The following CUL3 variants were observed in gnomAD, a reference collection of about 807,000 sequenced individuals.
The protein encoded by CUL3 is cullin-3.
In CUL3, 19 loss-of-function variants were observed where a neutral mutation model predicts 89.1. The ratio of observed to expected loss-of-function variants is 0.21; its 90% confidence interval spans 0.15 to 0.31. The LOEUF (loss-of-function observed/expected upper bound fraction) is 0.31, where lower values mean the gene tolerates loss of function less well. Among genes scored for constraint, CUL3 ranks in the 10% least tolerant of loss-of-function variants. CUL3 has a pLI of 1.00. For missense variants in CUL3, 469 were observed against 942.3 expected, an observed-to-expected ratio of 0.50 and a Z score of 6.58; for synonymous variants, 351 against 308.4, an observed-to-expected ratio of 1.14 and a Z score of -1.45.
At chr2:224,526,158 C>G (rs139118065) in intron 3 of CUL3, among the ~76,000 whole-genome samples, 2 of 152,304 alleles carry the variant, frequency 1.3e-5, no homozygotes, top group Middle Eastern at 3.4e-3. Context: ...ATAACTTGAG[C>G]AAATTAATGA....
chr2:224,548,893 G>A (rs144194238), intron 2 of CUL3, among the ~76,000 whole-genome samples: 150 of 152,040 alleles, frequency 9.9e-4, no homozygotes, highest in African/African-American at 3.4e-3. Context: ...GCCCAGCTAT[G>A]TAGGAGGCTG....
At chr2:224,479,709 A>G (rs1401893399) in intron 14 of CUL3, 1 of 152,254 alleles carries the variant, frequency 6.6e-6, no homozygotes, top group African/African-American at 2.4e-5. Flanking sequence ...ACACACACAC[A>G]GAGGAAGGCA....
intron 3 of CUL3, among the ~76,000 whole-genome samples, chr2:224,520,595 T>C (rs763501617): frequency 3.3e-5 from 5 of 152,244 alleles, no homozygotes; most frequent in Middle Eastern, 6.8e-3. Flanking sequence ...AAACATCAAC[T>C]AGGACAGGCA....
intron 2 of CUL3, among the ~76,000 whole-genome samples, chr2:224,547,349 GATCT>G (rs1240159763): frequency 6.6e-6 from 1 of 151,992 alleles, no homozygotes; most frequent in Non-Finnish European, 1.5e-5. Flanking sequence ...CATCTATACT[GATCT>G]ATCTCACTAC....
chr2:224,519,350 A>G (rs188124805), intron 3 of CUL3, among the ~76,000 whole-genome samples: 2 of 152,322 alleles, frequency 1.3e-5, no homozygotes, highest in African/African-American at 2.4e-5. Context: ...GCAAAATCTG[A>G]AAACACTTAT....
chr2:224,569,039 C>G (rs540792063), intron 1 of CUL3, among the ~76,000 whole-genome samples: 69 of 152,254 alleles, frequency 4.5e-4, no homozygotes, highest in African/African-American at 1.5e-3. Context: ...AAACTTTAAG[C>G]TATACTTCAT....
intron 15 of CUL3, among the ~76,000 whole-genome samples, chr2:224,476,307 G>A (rs1691319083): frequency 6.6e-6 from 1 of 152,094 alleles, no homozygotes; most frequent in South Asian, 2.1e-4. Context: ...GTGAGCCACC[G>A]CGAGTCACAC....
At chr2:224,519,705 A>G (rs1693193661) in intron 3 of CUL3, among the ~76,000 whole-genome samples, 1 of 152,210 alleles carries the variant, frequency 6.6e-6, no homozygotes, top group Non-Finnish European at 1.5e-5. Context: ...TTAAGGGTAC[A>G]GATGCATAAC....
intron 1 of CUL3, among the ~76,000 whole-genome samples, chr2:224,564,321 T>C (rs1694987654): frequency 6.6e-6 from 1 of 152,120 alleles, no homozygotes; most frequent in Non-Finnish European, 1.5e-5. Context: ...TCCACGAAAC[T>C]GTGGAGAAGG....
Position 224,503,706 on chromosome 2 carries a change from G to A in CUL3, c.1323C>T (p.Leu441=), listed in dbSNP as rs1692485908. 6 of 1,603,158 alleles carry A rather than the reference G, an allele frequency of 3.7e-6. No homozygotes were observed. Among genetic ancestry groups the A allele is most frequent in the Middle Eastern group, 1.7e-4 (1 of 6,000 alleles). The part of the protein sequence containing the change: ...YYKQHLARRL[L]TNKSVSDDSE... ...AGTCATCAGAAACACTTTTATTTGT[G>A]AGAAGTCTCCTTGCCAAGTGTTGTT... Residue 441 remains leucine, a synonymous_variant, in exon 9 of 16, where the codon CTC becomes CTT. Transcript: ENST00000264414.
intron 1 of CUL3, among the ~76,000 whole-genome samples, chr2:224,580,291 A>G (rs1434889774): frequency 2.0e-5 from 3 of 152,270 alleles, no homozygotes; most frequent in East Asian, 1.9e-4. Flanking sequence ...TTCCATCTTA[A>G]AAAGAACTTC....
At chr2:224,556,769 G>A (rs1195579516) in intron 2 of CUL3, among the ~76,000 whole-genome samples, 1 of 152,050 alleles carries the variant, frequency 6.6e-6, no homozygotes, top group Non-Finnish European at 1.5e-5. Flanking sequence ...TTTTGGGGTA[G>A]ATGAAATCTA....
At chr2:224,519,687 A>C (rs976518212) in intron 3 of CUL3, among the ~76,000 whole-genome samples, 2 of 152,206 alleles carry the variant, frequency 1.3e-5, no homozygotes, top group African/African-American at 4.8e-5. Context: ...AATTACCATC[A>C]AGTACAATTA....
chr2:224,559,619 T>C (rs1035857109), intron 1 of CUL3, among the ~76,000 whole-genome samples: 5 of 152,196 alleles, frequency 3.3e-5, no homozygotes, highest in Admixed American at 1.3e-4. Flanking sequence ...CTTTCCATTA[T>C]ATCTTGAATC....
chr2:224,474,197 C>A lies in CUL3; in HGVS notation c.*48G>T. On this transcript the variant is annotated 3_prime_UTR_variant, in exon 16 of 16. Coordinates refer to ENST00000264414, the MANE Select transcript of CUL3 (RefSeq NM_003590.5). ...TAATGATTTAAAAGAACTTCCCAGT[C>A]CATGCGAAGAGTACAGTCCAAGAAT... 1 of 1,564,530 alleles carries A rather than the reference C, an allele frequency of 6.4e-7. No homozygotes were observed. Among genetic ancestry groups the A allele is most frequent in the Non-Finnish European group, 8.7e-7 (1 of 1,153,160 alleles).
At position 224,478,208 on chromosome 2, in the gene CUL3, C is replaced by T. The variant is rs2106142432; in HGVS notation, c.2167G>A (p.Val723Ile). The T allele has an allele frequency of 6.2e-7, 1 of 1,612,702 alleles. No individual in the cohort carries two copies. Among genetic ancestry groups the T allele is most frequent in the Non-Finnish European group, 8.5e-7 (1 of 1,179,222 alleles). Residue 723 changes from valine (V) to isoleucine (I), a missense_variant, in exon 15 of 16, where the codon GTA becomes ATA. Physicochemically the swap from Val to Ile is conservative, Grantham distance 29. This residue lies in a region of CUL3 where 65 missense variants were observed against 147.8 expected (regional missense o/e 0.44). Coordinates refer to ENST00000264414, the MANE Select transcript of CUL3 (RefSeq NM_003590.5). ...TAGTGAAGAGTCCTCACCTCCGCTA[C>T]TAGAACATTGTGCTGCATCTTCTTT... is the stretch of plus-strand genomic sequence containing the variant. The part of the protein sequence containing the change: ...SRKKMQHNVL[V>I]AEVTQQLKAR...
intron 3 of CUL3, among the ~76,000 whole-genome samples, chr2:224,519,605 AGT>A (rs1309614121): frequency 1.3e-5 from 2 of 152,218 alleles, no homozygotes; most frequent in Non-Finnish European, 2.9e-5. Flanking sequence ...CAGAAACTTA[AGT>A]GTGGCTCTAT....
Position 224,552,060 on chromosome 2 carries a change from A to C in CUL3, c.264+5599T>G, listed in dbSNP as rs532530047. On this transcript the variant is annotated intron_variant, in intron 2 of 15. Coordinates refer to ENST00000264414, the MANE Select transcript of CUL3 (RefSeq NM_003590.5). ...AGGAATCAGATGTATTCTATTTACC[A>C]ATATATTCCTTACACCTAGCACAGA... 1.8e-4 allele frequency among the ~76,000 whole-genome samples: 28 copies of C among 152,314 alleles called. 2 individuals are homozygous for C. The South Asian group carries it at 5.8e-3, about 32-fold the overall frequency.
At chr2:224,512,602 T>C (rs1258261990) in intron 5 of CUL3, among the ~76,000 whole-genome samples, 5 of 152,232 alleles carry the variant, frequency 3.3e-5, no homozygotes, top group Non-Finnish European at 1.5e-5. Context: ...TTTAGCAATT[T>C]AGTTGGTTTG....
Sources: allele counts gnomAD v4.1 joint callset (sites outside exome capture counted in the v4.1 genomes callset), GRCh38; gene constraint gnomAD v4.1.1; regional missense constraint gnomAD v4.1.1; transcripts MANE v1.5; gene names NCBI Gene and HGNC (gene_info 2026-07-23, HGNC 2026-07-21).